The following TENM4 variants were observed in gnomAD, a reference collection of about 807,000 sequenced individuals.
The protein encoded by TENM4 is teneurin-4.
A neutral mutation model predicts 243.3 loss-of-function variants in TENM4; 82 were observed. The ratio of observed to expected loss-of-function variants is 0.34; its 90% CI spans 0.28 to 0.40. The LOEUF (loss-of-function observed/expected upper bound fraction) is 0.40. TENM4 is among the 10% of genes least tolerant of loss of function. TENM4 has a pLI of 1.00. For missense variants in TENM4, 3,138 were observed against 3,673.3 expected (o/e 0.85, Z 3.77); for synonymous variants, 1,412 against 1,456.3 (o/e 0.97, Z 0.69).
In TENM4 at chr11:78,670,649, G is replaced by A. The variant is rs920225952; in HGVS notation, c.5794-98C>T. The A allele has an allele frequency of 4.7e-5, 57 of 1,218,868 alleles. No homozygotes were observed. In the South Asian group the frequency reaches 7.7e-4, roughly 17 times the overall value. The allele number at this position is 1,218,868 out of a possible 1,614,324, so 75.5% of individuals were successfully genotyped here. On this transcript the variant is annotated intron_variant, in intron 31 of 33. Transcript: ENST00000278550. ...TTAAAGGGACGGAATGAATGTCCAA[G>A]GAGAATCCTGAGTTTCCATGGTTCT...
chr11:79,239,331 G>C (rs369765618), intron 2 of TENM4, among the ~76,000 whole-genome samples: 304 of 152,288 alleles, frequency 2.0e-3, no homozygotes, highest in Non-Finnish European at 3.6e-3. Flanking sequence ...AATACAACCA[G>C]AAGGAAAAGG....
intron 19 of TENM4, among the ~76,000 whole-genome samples, chr11:78,755,309 T>C (rs1170291764): frequency 6.6e-6 from 1 of 152,002 alleles, no homozygotes; most frequent in Admixed American, 6.6e-5. Context: ...GGAGTATAGG[T>C]ACCTGCCACC....
chr11:79,379,766 C>A (rs1190857950), intron 1 of TENM4, among the ~76,000 whole-genome samples: 1 of 152,174 alleles, frequency 6.6e-6, no homozygotes, highest in African/African-American at 2.4e-5. Flanking sequence ...AGCCCATACA[C>A]CACACTGCTC....
intron 1 of TENM4, among the ~76,000 whole-genome samples, chr11:79,356,647 A>G (rs1213031920): frequency 1.3e-5 from 2 of 152,166 alleles, no homozygotes; most frequent in African/African-American, 2.4e-5. Context: ...GAAAGATAAT[A>G]GATAACGAAA....
chr11:79,417,782 C>G (rs1425679674), intron 1 of TENM4, among the ~76,000 whole-genome samples: 1 of 152,164 alleles, frequency 6.6e-6, no homozygotes, highest in African/African-American at 2.4e-5. Flanking sequence ...CTCCATATCC[C>G]CCAGGTATGT....
chr11:79,301,953 T>A (rs1856556943), intron 1 of TENM4, among the ~76,000 whole-genome samples: 1 of 152,184 alleles, frequency 6.6e-6, no homozygotes, highest in South Asian at 2.1e-4. Context: ...AAACCTCTTT[T>A]CTTTATAAAT....
intron 9 of TENM4, 126 bp downstream of exon 9, chr11:78,889,658 CT>C: frequency 9.6e-7 from 1 of 1,044,340 alleles, no homozygotes; most frequent in Non-Finnish European, 1.4e-6. Context: ...AACTCCAGGG[CT>C]GCCTGGCTCA....
At chr11:79,321,017 G>C (rs1013658808) in intron 1 of TENM4, among the ~76,000 whole-genome samples, 6 of 152,200 alleles carry the variant, frequency 3.9e-5, no homozygotes, top group Admixed American at 1.3e-4. Context: ...TTTGGAGAAG[G>C]TAAGAGATGT....
chr11:79,098,713 C>T (rs1292615584), intron 4 of TENM4, among the ~76,000 whole-genome samples: 1 of 152,222 alleles, frequency 6.6e-6, no homozygotes, highest in Non-Finnish European at 1.5e-5. Context: ...AGCGATGGGT[C>T]TTCTCTGGGG....
chr11:78,775,383 A>C (rs1856722248), intron 17 of TENM4, among the ~76,000 whole-genome samples: 1 of 152,210 alleles, frequency 6.6e-6, no homozygotes, highest in Non-Finnish European at 1.5e-5. Flanking sequence ...GCCAGTTTGG[A>C]AGATGTGAAG....
intron 16 of TENM4, among the ~76,000 whole-genome samples, chr11:78,782,414 A>C (rs1455979162): frequency 6.6e-6 from 1 of 152,184 alleles, no homozygotes; most frequent in Non-Finnish European, 1.5e-5. Flanking sequence ...CGTGACCAAC[A>C]TGGAGAAACT....
intron 6 of TENM4, among the ~76,000 whole-genome samples, chr11:78,958,631 C>T (rs1857255829): frequency 1.3e-5 from 2 of 152,200 alleles, no homozygotes; most frequent in Non-Finnish European, 2.9e-5. Context: ...TGAGGCCTAC[C>T]AGATCTGGGA....
chr11:79,312,217 A>T (rs959587391), intron 1 of TENM4, among the ~76,000 whole-genome samples: 2 of 152,124 alleles, frequency 1.3e-5, no homozygotes. Flanking sequence ...GTAGTCATTT[A>T]TGTGGCTTGC....
intron 31 of TENM4, 64 bp downstream of exon 31, chr11:78,671,969 C>T: frequency 6.5e-7 from 1 of 1,540,668 alleles, no homozygotes; most frequent in Non-Finnish European, 8.8e-7. Flanking sequence ...CCAGGCTGGG[C>T]TTGGCCGTGA....
At chr11:79,135,024 C>A (rs190872874) in intron 4 of TENM4, among the ~76,000 whole-genome samples, 38 of 152,222 alleles carry the variant, frequency 2.5e-4, no homozygotes, top group Admixed American at 2.6e-4. Flanking sequence ...AGCTTTTGCA[C>A]AGCAAAAGGA....
At chr11:78,986,839 GC>G (rs1321030470) in intron 6 of TENM4, among the ~76,000 whole-genome samples, 3 of 148,916 alleles carry the variant, frequency 2.0e-5, no homozygotes, top group African/African-American at 5.2e-5. Context: ...CTCCCAAAGT[GC>G]TGGGATTGCA....
chr11:78,852,696 A>G (rs987000873), intron 12 of TENM4, among the ~76,000 whole-genome samples: 2 of 152,120 alleles, frequency 1.3e-5, no homozygotes, highest in Non-Finnish European at 2.9e-5. Flanking sequence ...AACAAAAAGT[A>G]AGAACCAGGG....
chr11:78,984,439 G>A (rs1042049130), intron 6 of TENM4, among the ~76,000 whole-genome samples: 6 of 152,238 alleles, frequency 3.9e-5, no homozygotes, highest in Non-Finnish European at 8.8e-5. Flanking sequence ...TTCGCCATTT[G>A]GGATCAGAGT....
At chr11:79,324,491 C>T (rs1565299803) in intron 1 of TENM4, among the ~76,000 whole-genome samples, 1 of 152,134 alleles carries the variant, frequency 6.6e-6, no homozygotes, top group African/African-American at 2.4e-5. Context: ...GCACAAAATG[C>T]TGAGATTACA....
Sources: gnomAD v4.1 joint callset for allele counts (sites outside exome capture counted in the v4.1 genomes callset) on GRCh38, gnomAD v4.1.1 for gene constraint, MANE v1.5 for transcripts, NCBI Gene and HGNC (gene_info 2026-07-23, HGNC 2026-07-21) for gene names.